ALS2: variants seen among roughly 807,000 people sequenced by gnomAD.
ALS2 encodes the protein alsin.
In ALS2, 117 loss-of-function variants were observed where a neutral mutation model predicts 203.4. The observed-to-expected ratio is 0.58, with a 90% confidence interval of 0.50 to 0.67. The LOEUF (loss-of-function observed/expected upper bound fraction) is 0.67. Among genes scored for constraint, ALS2 ranks in the 30% least tolerant of loss-of-function variants. The pLI, the probability that ALS2 is intolerant of heterozygous loss-of-function variation, is 0.00. For missense variants in ALS2, 1,715 were observed against 1,989.4 expected, an observed-to-expected ratio of 0.86 and a Z score of 2.62; for synonymous variants, 718 against 725.9, an observed-to-expected ratio of 0.99 and a Z score of 0.17.
rs115726485 is a variant in ALS2, at chr2:201,702,009, C to A, written c.4936-120G>T. The A allele has an allele frequency of 1.4e-3, 1,185 of 852,324 alleles. 6 individuals are homozygous for A. In the African/African-American group the frequency reaches 0.017, roughly 12 times the overall value. 52.8% of individuals were successfully genotyped at this position (852,324 alleles called of 1,614,324 possible). ...TGAACAAATTCAGCTGATGGCCCAACAGATTTAATTGATTTCACTTTTCCC... is the reference window on the plus strand; with the variant it reads ...TGAACAAATTCAGCTGATGGCCCAAAAGATTTAATTGATTTCACTTTTCCC... On this transcript the variant is annotated intron_variant, in intron 33 of 33. Transcript: ENST00000264276.
chr2:201,757,879 GT>G, intron 4 of ALS2, 120 bp from the exon 5 acceptor site: 1 of 758,094 alleles, frequency 1.3e-6, no homozygotes, highest in East Asian at 2.7e-5. Context: ...AACGACAGAA[GT>G]TCTCTTCATC....
chr2:201,759,493 A>G, intron 4 of ALS2: 1 of 964,148 alleles, frequency 1.0e-6, no homozygotes, highest in Non-Finnish European at 1.2e-6. Flanking sequence ...AGAAACACAC[A>G]CATTGTTACT....
At chr2:201,771,757 T>C (rs1206172952) in intron 1 of ALS2, among the ~76,000 whole-genome samples, 4 of 152,244 alleles carry the variant, frequency 2.6e-5, no homozygotes, top group African/African-American at 9.6e-5. Context: ...TAAAATTGCC[T>C]AATCATAAAA....
Position 201,727,290 on chromosome 2 carries a change from A to G in ALS2, c.2913-12T>C. On this transcript the variant is annotated splice_polypyrimidine_tract_variant and intron_variant, in intron 16 of 33. Coordinates refer to ENST00000264276, the MANE Select transcript of ALS2 (RefSeq NM_020919.4). ...TCTTTAAGCCATTCCTAAAACGTTC[A>G]CAAGGATAAATACCAGGACATTTAA... 1 of 1,608,758 alleles carries G rather than the reference A, an allele frequency of 6.2e-7. No individual in the cohort carries two copies. Among genetic ancestry groups the G allele is most frequent in the African/African-American group, 1.3e-5 (1 of 74,676 alleles).
chr2:201,727,960 C>T (rs1178290912), intron 15 of ALS2, among the ~76,000 whole-genome samples, 185 bp from the exon 16 acceptor site: 2 of 152,132 alleles, frequency 1.3e-5, no homozygotes, highest in Non-Finnish European at 2.9e-5. Flanking sequence ...CACAGCTAAC[C>T]CAAAGGGCCT....
At chr2:201,750,647 T>C (rs372771499) in intron 7 of ALS2, among the ~76,000 whole-genome samples, 1 of 152,172 alleles carries the variant, frequency 6.6e-6, no homozygotes, top group Admixed American at 6.5e-5. Context: ...ATTATGAAAG[T>C]AATTCATGGT....
At chr2:201,750,178 A>AAAAAG (rs1254388678) in intron 7 of ALS2, among the ~76,000 whole-genome samples, 2 of 151,444 alleles carry the variant, frequency 1.3e-5, no homozygotes, top group African/African-American at 2.4e-5. Flanking sequence ...CAAAAAAAAA[A>AAAAAG]AAAAGAAAAG....
At position 201,732,982 on chromosome 2, in the gene ALS2, T is replaced by C. The variant is rs142471174; in HGVS notation, c.2580+294A>G. ...ATAGTCAGCATGCATCCAATAAATTTTGACAACTACTGAATGAGTAGCATC... is the reference window on the plus strand; with the variant it reads ...ATAGTCAGCATGCATCCAATAAATTCTGACAACTACTGAATGAGTAGCATC... On this transcript the variant is annotated intron_variant, in intron 13 of 33. Coordinates refer to ENST00000264276, the MANE Select transcript of ALS2 (RefSeq NM_020919.4). Among the ~76,000 whole-genome samples the C allele has an allele frequency of 2.0e-3, 310 of 152,322 alleles. 2 individuals are homozygous for C. Among genetic ancestry groups the C allele is most frequent in the African/African-American group, 7.2e-3 (301 of 41,572 alleles).
rs1207650728 is a variant in ALS2, at chr2:201,714,194, C to T, written c.4004+1478G>A. 2.6e-5 allele frequency among the ~76,000 whole-genome samples: 4 copies of T among 152,174 alleles called. No homozygotes were observed. In the South Asian group the frequency reaches 6.2e-4, roughly 24 times the overall value. ...TGGCTGGCACTTGGGAATTAAGCTT[C>T]GTAAAAGTTCCATATACTGACAAAG... is the stretch of plus-strand genomic sequence containing the variant. On this transcript the variant is annotated intron_variant, in intron 25 of 33. Coordinates refer to ENST00000264276, the MANE Select transcript of ALS2 (RefSeq NM_020919.4).
At chr2:201,757,818 T>TC in intron 4 of ALS2, 59 bp from the exon 5 acceptor site, 2 of 1,344,664 alleles carry the variant, frequency 1.5e-6, no homozygotes, top group Non-Finnish European at 2.0e-6. Context: ...CAACAAGCAA[T>TC]CAATAAAAAG....
At chr2:201,707,101 T>G in intron 28 of ALS2, 79 bp from the exon 29 acceptor site, 1 of 1,389,110 alleles carries the variant, frequency 7.2e-7, no homozygotes, top group South Asian at 1.2e-5. Context: ...GAGCTTCAGT[T>G]TCAAAAAGTC....
chr2:201,724,194 A>G, intron 21 of ALS2, 101 bp downstream of exon 21: 1 of 1,232,992 alleles, frequency 8.1e-7, no homozygotes, highest in East Asian at 2.4e-5. Flanking sequence ...AAATCTTACT[A>G]ATCTCCATGA....
intron 23 of ALS2, 54 bp from the exon 24 acceptor site, chr2:201,718,264 C>T: frequency 3.2e-6 from 5 of 1,566,564 alleles, no homozygotes; most frequent in Non-Finnish European, 4.4e-6. Context: ...ATTCAATATT[C>T]ATTTATTTAT....
In ALS2 at chr2:201,753,139, C is replaced by T. The variant is rs374919826; in HGVS notation, c.1737+7G>A. Reference sequence around the variant, plus strand: ...TAAGGTAAAGCATTTAATAGTTTGCCTCCTACCTGGGATTTCGCAGTAAGT... The same window carrying T: ...TAAGGTAAAGCATTTAATAGTTTGCTTCCTACCTGGGATTTCGCAGTAAGT... On this transcript the variant is annotated splice_region_variant and intron_variant, in intron 7 of 33. Transcript: ENST00000264276. The T allele has an allele frequency of 3.7e-6, 6 of 1,612,348 alleles. No individual in the cohort carries two copies. The highest frequency in any genetic ancestry group is 5.1e-6 in the Non-Finnish European group (6 of 1,178,534).
chr2:201,705,600 C>A, intron 29 of ALS2, 139 bp from the exon 30 acceptor site: 1 of 682,290 alleles, frequency 1.5e-6, no homozygotes, highest in Non-Finnish European at 2.6e-6. Context: ...TTTTTATAAA[C>A]ATTCCAGAAG....
At chr2:201,708,967 T>G (rs1029915898) in intron 27 of ALS2, among the ~76,000 whole-genome samples, 2 of 152,240 alleles carry the variant, frequency 1.3e-5, no homozygotes, top group African/African-American at 4.8e-5. Context: ...ATCTTTTTAA[T>G]AGACCACACT....
chr2:201,737,687 C>T (rs933807883), intron 12 of ALS2, among the ~76,000 whole-genome samples: 4 of 152,158 alleles, frequency 2.6e-5, no homozygotes, highest in East Asian at 1.9e-4. Context: ...TTTTGGAGGC[C>T]GAGGTGGGTG....
intron 1 of ALS2, among the ~76,000 whole-genome samples, chr2:201,774,230 A>T (rs1336260132): frequency 6.6e-6 from 1 of 152,172 alleles, no homozygotes; most frequent in Non-Finnish European, 1.5e-5. Flanking sequence ...GATGATGAGG[A>T]CAGTGGGCAG....
At chr2:201,767,571 G>A (rs1275151725) in intron 2 of ALS2, among the ~76,000 whole-genome samples, 188 bp from the exon 3 acceptor site, 1 of 151,944 alleles carries the variant, frequency 6.6e-6, no homozygotes, top group African/African-American at 2.4e-5. Flanking sequence ...TTATATAAAA[G>A]ACTGAAGGAT....
Sources: allele counts gnomAD v4.1 joint callset (sites outside exome capture counted in the v4.1 genomes callset), GRCh38; gene constraint gnomAD v4.1.1; transcripts MANE v1.5; gene names NCBI Gene and HGNC (gene_info 2026-07-23, HGNC 2026-07-21).